Variants in AGBL1 observed in about 807,000 individuals in gnomAD.
The protein encoded by AGBL1 is AGBL carboxypeptidase 1, also known as cytosolic carboxypeptidase 4.
A neutral mutation model predicts 118.9 loss-of-function variants in AGBL1; 130 were observed. That is an observed-to-expected ratio of 1.09 (90% confidence interval 0.95 to 1.26). AGBL1 has a LOEUF of 1.26. AGBL1 is among the 50% of genes most tolerant of loss of function. AGBL1 has a pLI of 0.00. For missense variants in AGBL1, 1,584 were observed against 1,298.1 expected (o/e 1.22, Z -3.38); for synonymous variants, 555 against 478.9 (o/e 1.16, Z -2.08).
rs932223481 is a variant in AGBL1, at chr15:86,619,301, G to A, written c.2995-54972G>A. ...GTGACCCATCTACACTTGGTGTGTG[G>A]CCTAAGGTCAAAGATCACTTACTAA... On this transcript the variant is annotated intron_variant, in intron 21 of 22. Coordinates refer to ENST00000614907, the MANE Select transcript of AGBL1 (RefSeq NM_001386094.1). Among the ~76,000 whole-genome samples the A allele has an allele frequency of 3.3e-5, 5 of 152,158 alleles. No homozygotes were observed. The South Asian group carries it at 1.0e-3, about 32-fold the overall frequency.
intron 5 of AGBL1, among the ~76,000 whole-genome samples, chr15:86,205,935 C>T (rs1396333404): frequency 6.6e-6 from 1 of 152,274 alleles, no homozygotes; most frequent in Middle Eastern, 3.4e-3. Context: ...CCTATTAACT[C>T]GTCATTTACA....
intron 18 of AGBL1, among the ~76,000 whole-genome samples, chr15:86,496,858 G>A (rs984927510): frequency 2.0e-5 from 3 of 151,918 alleles, no homozygotes; most frequent in South Asian, 2.1e-4. Flanking sequence ...GAGCATTAAT[G>A]CATTTTAAAA....
At chr15:86,427,452 C>T (rs903482916) in intron 18 of AGBL1, among the ~76,000 whole-genome samples, 7 of 151,788 alleles carry the variant, frequency 4.6e-5, no homozygotes, top group African/African-American at 1.7e-4. Flanking sequence ...CTTTATGTTG[C>T]CATTCAGTGT....
At chr15:86,669,213 A>G (rs1406454936) in intron 21 of AGBL1, among the ~76,000 whole-genome samples, 1 of 152,240 alleles carries the variant, frequency 6.6e-6, no homozygotes, top group Non-Finnish European at 1.5e-5. Flanking sequence ...GAAACACTGC[A>G]TATGCAGGAA....
chr15:86,358,572 A>C (rs1454357697), intron 17 of AGBL1, among the ~76,000 whole-genome samples: 1 of 151,922 alleles, frequency 6.6e-6, no homozygotes. Context: ...ATTATGTGGT[A>C]GTTTTATTTT....
chr15:86,798,278 T>C (rs1242656203), intron 22 of AGBL1, among the ~76,000 whole-genome samples: 1 of 152,186 alleles, frequency 6.6e-6, no homozygotes, highest in East Asian at 1.9e-4. Flanking sequence ...CTCTGACTAC[T>C]AAGGAGTCTG....
chr15:86,716,118 C>T (rs1213537399), intron 22 of AGBL1, among the ~76,000 whole-genome samples: 1 of 151,600 alleles, frequency 6.6e-6, no homozygotes, highest in Non-Finnish European at 1.5e-5. Context: ...TTTTAGTTTG[C>T]TAGTCTATTG....
chr15:86,853,128 T>TCCCA (rs1048740029), intron 22 of AGBL1, among the ~76,000 whole-genome samples: 8 of 152,202 alleles, frequency 5.3e-5, no homozygotes, highest in African/African-American at 1.9e-4. Context: ...ATCAGAATTC[T>TCCCA]GACAACTCCC....
chr15:86,954,606 A>C (rs2080911926), intron 23 of AGBL1, among the ~76,000 whole-genome samples: 4 of 152,248 alleles, frequency 2.6e-5, no homozygotes, highest in Middle Eastern at 6.8e-3. Flanking sequence ...CATTGAGCAC[A>C]CCTGGACATA....
intron 22 of AGBL1, among the ~76,000 whole-genome samples, chr15:86,878,314 C>T (rs2141524016): frequency 6.6e-6 from 1 of 152,288 alleles, no homozygotes; most frequent in African/African-American, 2.4e-5. Flanking sequence ...GCCCTTGTAG[C>T]ACAAAGGCAG....
chr15:86,577,017 A>C (rs1225732875), intron 21 of AGBL1, among the ~76,000 whole-genome samples: 1 of 152,232 alleles, frequency 6.6e-6, no homozygotes, highest in Non-Finnish European at 1.5e-5. Flanking sequence ...GATTCTGCTG[A>C]AAAGATACCC....
At chr15:86,884,778 C>G (rs1170834214) in intron 22 of AGBL1, among the ~76,000 whole-genome samples, 2 of 152,034 alleles carry the variant, frequency 1.3e-5, no homozygotes, top group Non-Finnish European at 2.9e-5. Context: ...CACCACTGCA[C>G]TCCAGCCTGG....
rs71144040 is a variant in AGBL1, at chr15:86,321,776, C to CAA, written c.2374+26379_2374+26380dup. Among the ~76,000 whole-genome samples the CAA allele has an allele frequency of 8.3e-3, 1,194 of 144,244 alleles. 10 individuals are homozygous for CAA. Among genetic ancestry groups the CAA allele is most frequent in the Non-Finnish European group, 0.012 (824 of 66,026 alleles). 94.6% of individuals were successfully genotyped at this position (144,244 alleles called of 152,430 possible). A position where few individuals can be genotyped will look rare whatever the true frequency, so the allele number is the denominator to read the frequency against. On this transcript the variant is annotated intron_variant, in intron 17 of 22. Coordinates refer to ENST00000614907, the MANE Select transcript of AGBL1 (RefSeq NM_001386094.1). ...TGGGCAATGAAGTGAGACTCTGTCT[C>CAA]AAAAAAAAAAAATAGAATTTATTTT...
chr15:86,415,268 G>T (rs1169664309), intron 18 of AGBL1, among the ~76,000 whole-genome samples: 1 of 152,124 alleles, frequency 6.6e-6, no homozygotes, highest in African/African-American at 2.4e-5. Flanking sequence ...TTGGCTGAGG[G>T]CAATTCCTAG....
chr15:86,759,533 G>A (rs1487822919), intron 22 of AGBL1, among the ~76,000 whole-genome samples: 1 of 152,106 alleles, frequency 6.6e-6, no homozygotes, highest in African/African-American at 2.4e-5. Flanking sequence ...ACATTATCAA[G>A]TTATTTAAGA....
chr15:86,649,964 A>G (rs2085343223), intron 21 of AGBL1, among the ~76,000 whole-genome samples: 1 of 152,234 alleles, frequency 6.6e-6, no homozygotes, highest in African/African-American at 2.4e-5. Flanking sequence ...AAAATGGCCC[A>G]TGCCATATGT....
At chr15:86,265,670 G>A (rs1179658695) in intron 11 of AGBL1, among the ~76,000 whole-genome samples, 8 of 152,136 alleles carry the variant, frequency 5.3e-5, no homozygotes, top group African/African-American at 1.9e-4. Flanking sequence ...TATCTGTCAT[G>A]CTCATTTTTT....
intron 24 of AGBL1, among the ~76,000 whole-genome samples, chr15:87,006,498 G>C (rs532043028): frequency 6.6e-6 from 1 of 152,170 alleles, no homozygotes. Context: ...AGCCAGGCAC[G>C]GGGTATAATC....
At chr15:86,476,166 C>T (rs1279942995) in intron 18 of AGBL1, among the ~76,000 whole-genome samples, 4 of 152,188 alleles carry the variant, frequency 2.6e-5, no homozygotes, top group Non-Finnish European at 4.4e-5. Context: ...GAAGAAACTG[C>T]ATCAACTAAT....
Sources: gnomAD v4.1 joint callset for allele counts (sites outside exome capture counted in the v4.1 genomes callset) on GRCh38, gnomAD v4.1.1 for gene constraint, MANE v1.5 for transcripts, NCBI Gene and HGNC (gene_info 2026-07-23, HGNC 2026-07-21) for gene names.